Variants in AGAP1 observed in about 807,000 individuals in gnomAD.
AGAP1 encodes the protein ArfGAP with GTPase domain, ankyrin repeat and PH domain 1, also known as arf-GAP with GTPase, ANK repeat and PH domain-containing protein 1.
AGAP1 carries 29 observed loss-of-function variants against 105.3 expected under a neutral mutation model. That is an observed-to-expected ratio of 0.28 (90% CI 0.21 to 0.38). AGAP1 has a LOEUF of 0.38. Ranked by LOEUF, AGAP1 falls within the 10% of genes least tolerant of loss-of-function variation. The pLI is 1.00. For missense variants in AGAP1, 998 were observed against 1,165.1 expected (o/e 0.86, Z 2.09); for synonymous variants, 509 against 485.9 (o/e 1.05, Z -0.63).
intron 9 of AGAP1, among the ~76,000 whole-genome samples, chr2:235,854,324 C>T (rs975655963): frequency 1.3e-5 from 2 of 152,204 alleles, no homozygotes; most frequent in Admixed American, 6.5e-5. Context: ...TCCAACTGAA[C>T]GTGGGCTGTG....
rs558311698 is a variant in AGAP1 at position 235,799,861 on chromosome 2, C to G, written c.957+339C>G. Among the ~76,000 whole-genome samples the G allele has an allele frequency of 2.0e-5, 3 of 152,240 alleles. No individual in the cohort carries two copies. Among genetic ancestry groups the G allele is most frequent in the South Asian group, 4.1e-4 (2 of 4,824 alleles). ...AACTCTAAGATTCCCAGATGTGTGT[C>G]TCTAACCGTTCAGATGATATATAAG... On this transcript the variant is annotated intron_variant, in intron 8 of 17. Coordinates refer to ENST00000304032, the MANE Select transcript of AGAP1 (RefSeq NM_001037131.3). This position sits in a 1 kb window ranked among gnomAD's most constrained non-coding sequence, Gnocchi z 5.0.
At chr2:235,771,065 C>T (rs893668898) in intron 6 of AGAP1, among the ~76,000 whole-genome samples, 3 of 152,132 alleles carry the variant, frequency 2.0e-5, no homozygotes, top group Admixed American at 6.5e-5. Context: ...CCCAGGAGTG[C>T]GGCCGCCGCA....
rs1018312 is a variant in AGAP1, at chr2:235,737,367, G to A, written c.311-3596G>A. Among the ~76,000 whole-genome samples, 106 of 152,252 alleles carry A rather than the reference G, an allele frequency of 7.0e-4. No individual in the cohort carries two copies. In the East Asian group the frequency reaches 0.012, roughly 17 times the overall value. On this transcript the variant is annotated intron_variant, in intron 3 of 17. Coordinates refer to ENST00000304032, the MANE Select transcript of AGAP1 (RefSeq NM_001037131.3). The surrounding 1 kb of genome is among the most constrained non-coding windows in gnomAD (Gnocchi z 4.5). Reference sequence around the variant, plus strand: ...CTGTTAATTATACTCTGTATCTGCCGGGGGAATGTAAACTGACTTTAGGAT... The same window carrying A: ...CTGTTAATTATACTCTGTATCTGCCAGGGGAATGTAAACTGACTTTAGGAT...
In AGAP1 at chr2:235,660,762, C is replaced by T. The variant is rs967687468; in HGVS notation, c.164-48417C>T. Among the ~76,000 whole-genome samples the T allele has an allele frequency of 1.3e-5, 2 of 152,172 alleles. No individual in the cohort carries two copies. The highest frequency in any genetic ancestry group is 2.9e-5 in the Non-Finnish European group (2 of 68,026). On this transcript the variant is annotated intron_variant, in intron 1 of 17. Transcript: ENST00000304032. This position sits in a 1 kb window ranked among gnomAD's most constrained non-coding sequence, Gnocchi z 5.3. ...AATAGAAACAACCTCTGTTGGTTTT[C>T]AGCATTGGAGCAGATGCTCCCCATA...
intron 1 of AGAP1, among the ~76,000 whole-genome samples, chr2:235,523,126 T>C (rs1942688885): frequency 1.3e-5 from 2 of 150,014 alleles, no homozygotes; most frequent in Admixed American, 1.3e-4. Flanking sequence ...TGGCCTCTCA[T>C]GGTGGAGAGA....
intron 1 of AGAP1, among the ~76,000 whole-genome samples, chr2:235,520,475 TAGTG>T (rs889788782): frequency 6.6e-6 from 1 of 152,122 alleles, no homozygotes; most frequent in Non-Finnish European, 1.5e-5. Flanking sequence ...TCCTATAAAT[TAGTG>T]GGTGTTTGGA....
rs960298607 is a variant in AGAP1, at chr2:235,789,944, A to G, written c.674-7815A>G. 2.6e-5 allele frequency among the ~76,000 whole-genome samples: 4 copies of G among 152,262 alleles called. No homozygotes were observed. The highest frequency in any genetic ancestry group is 3.4e-3 in the Middle Eastern group (1 of 294). ...AGGATGTCTTACCTTCCTTGTTAGT[A>G]TTTGTTCTGATTGGAAAATTACTCT... On this transcript the variant is annotated intron_variant, in intron 6 of 17. Coordinates refer to ENST00000304032, the MANE Select transcript of AGAP1 (RefSeq NM_001037131.3). This position sits in a 1 kb window ranked among gnomAD's most constrained non-coding sequence, Gnocchi z 4.2.
Position 235,867,572 on chromosome 2 carries a change from T to TGTGCGTGC in AGAP1, c.1051-15769_1051-15768insGTGCGTGC, listed in dbSNP as rs1553655422. Among the ~76,000 whole-genome samples, 3 of 148,370 alleles carry TGTGCGTGC rather than the reference T, an allele frequency of 2.0e-5. No individual in the cohort carries two copies. The highest frequency in any genetic ancestry group is 4.5e-5 in the Non-Finnish European group (3 of 67,064). ...GTGTGTGTGTGTGTGTGTGTGTGTG[T>TGTGCGTGC]GTGCAAGTGAGGGAGGGTGACCCCC... On this transcript the variant is annotated intron_variant, in intron 9 of 17. Transcript: ENST00000304032. This position sits in a 1 kb window ranked among gnomAD's most constrained non-coding sequence, Gnocchi z 5.4.
Position 235,736,314 on chromosome 2 carries a change from G to A in AGAP1, c.311-4649G>A, listed in dbSNP as rs977280724. On this transcript the variant is annotated intron_variant, in intron 3 of 17. Coordinates refer to ENST00000304032, the MANE Select transcript of AGAP1 (RefSeq NM_001037131.3). The surrounding 1 kb of genome is among the most constrained non-coding windows in gnomAD (Gnocchi z 5.5). ...AGATGCATGTCTGACAGGGACATCA[G>A]GTTTGGGGAGACTGAAAACCATTTT... Among the ~76,000 whole-genome samples, 3 of 152,066 alleles carry A rather than the reference G, an allele frequency of 2.0e-5. No homozygotes were observed. The highest frequency in any genetic ancestry group is 7.2e-5 in the African/African-American group (3 of 41,410).
At position 235,550,577 on chromosome 2, in the gene AGAP1, G is replaced by A. The variant is rs112498472; in HGVS notation, c.163+55728G>A. On this transcript the variant is annotated intron_variant, in intron 1 of 17. Transcript: ENST00000304032. The surrounding 1 kb of genome is among the most constrained non-coding windows in gnomAD (Gnocchi z 4.6). ...TCAGAGTTGATGAGGGTCTGCAGGC[G>A]TCGGTCTGGGAGCCACAGACAGGTG... Among the ~76,000 whole-genome samples, 3 of 152,260 alleles carry A rather than the reference G, an allele frequency of 2.0e-5. No homozygotes were observed. The highest frequency in any genetic ancestry group is 6.5e-5 in the Admixed American group (1 of 15,300).
intron 12 of AGAP1, among the ~76,000 whole-genome samples, chr2:235,955,459 G>A (rs540323982): frequency 3.8e-4 from 58 of 152,304 alleles, no homozygotes; most frequent in African/African-American, 1.3e-3. Flanking sequence ...TCATGAGCCT[G>A]TGTCTCAAAA....
chr2:235,949,704 C>T (rs1384919246), intron 12 of AGAP1, among the ~76,000 whole-genome samples: 3 of 152,164 alleles, frequency 2.0e-5, no homozygotes, highest in Admixed American at 1.3e-4. Context: ...TTCCACTTAT[C>T]CTCGTAAAAC....
chr2:235,784,362 A>T (rs543360043), intron 6 of AGAP1, among the ~76,000 whole-genome samples: 25 of 152,230 alleles, frequency 1.6e-4, no homozygotes, highest in Non-Finnish European at 3.2e-4. Context: ...AGAAAAGAAT[A>T]CTTTGACTTC....
At chr2:235,585,539 G>A (rs904878919) in intron 1 of AGAP1, among the ~76,000 whole-genome samples, 1 of 152,146 alleles carries the variant, frequency 6.6e-6, no homozygotes, top group Non-Finnish European at 1.5e-5. Context: ...ATCTCTGGGG[G>A]CCACTGTTCA....
At chr2:235,834,970 C>T (rs949742863) in intron 9 of AGAP1, among the ~76,000 whole-genome samples, 7 of 152,170 alleles carry the variant, frequency 4.6e-5, no homozygotes, top group Non-Finnish European at 8.8e-5. Flanking sequence ...ACATGTGATT[C>T]GTTAGTTGGA....
At position 235,608,122 on chromosome 2, in the gene AGAP1, C is replaced by T. The variant is rs1354274210; in HGVS notation, c.164-101057C>T. On this transcript the variant is annotated intron_variant, in intron 1 of 17. Coordinates refer to ENST00000304032, the MANE Select transcript of AGAP1 (RefSeq NM_001037131.3). The surrounding 1 kb of genome is among the most constrained non-coding windows in gnomAD (Gnocchi z 5.4). ...TTGACCGGGTCGTTTTTAGCTTTGCCCACTTTTCATTTTTGGCTTCACAGA... is the reference window on the plus strand; with the variant it reads ...TTGACCGGGTCGTTTTTAGCTTTGCTCACTTTTCATTTTTGGCTTCACAGA... Among the ~76,000 whole-genome samples, 1 of 152,070 alleles carries T rather than the reference C, an allele frequency of 6.6e-6. No individual in the cohort carries two copies. Among genetic ancestry groups the T allele is most frequent in the Non-Finnish European group, 1.5e-5 (1 of 68,026 alleles).
chr2:235,806,788 C>T (rs959014220), intron 8 of AGAP1, among the ~76,000 whole-genome samples: 1 of 152,012 alleles, frequency 6.6e-6, no homozygotes, highest in Non-Finnish European at 1.5e-5. Flanking sequence ...GCCGTTAAAT[C>T]GCACAGCTGA....
rs1343736473 is a variant in AGAP1, at chr2:236,120,344, C to G, written c.2267C>G (p.Ser756Cys). The G allele has an allele frequency of 6.2e-7, 1 of 1,612,006 alleles. No individual in the cohort carries two copies. Among genetic ancestry groups the G allele is most frequent in the East Asian group, 2.2e-5 (1 of 44,862 alleles). ...GCCATCCTGCTGCTGGCACACGGCT[C>G]CCGGGACGAGGTGAACGAGACCTGC... ...RTAILLLAHG[S>C]RDEVNETCGE... The change falls in exon 17 of 18, where the codon TCC becomes TGC. Residue 756 changes from serine to cysteine, a missense_variant. Ser to Cys is a moderately radical substitution (Grantham distance 112). This residue lies in a region of AGAP1 where 235 missense variants were observed against 270.7 expected (regional missense o/e 0.87). Transcript: ENST00000304032. The surrounding 1 kb of genome is among the most constrained non-coding windows in gnomAD (Gnocchi z 6.0).
In AGAP1 at chr2:235,922,008, C is replaced by T. The variant is rs1217403690; in HGVS notation, c.1325-8757C>T. 3.9e-5 allele frequency among the ~76,000 whole-genome samples: 6 copies of T among 152,176 alleles called. No homozygotes were observed. In the East Asian group the frequency reaches 5.8e-4, roughly 15 times the overall value. On this transcript the variant is annotated intron_variant, in intron 11 of 17. Transcript: ENST00000304032. ...TGTAATTAGAGGACAGAACAGATGG[C>T]GAAGGCCTAGTTTGAAGTGATGTGA...
Sources: allele counts gnomAD v4.1 joint callset (sites outside exome capture counted in the v4.1 genomes callset), GRCh38; gene constraint gnomAD v4.1.1; regional missense constraint gnomAD v4.1.1; non-coding constraint Gnocchi (gnomAD v3.1); transcripts MANE v1.5; gene names NCBI Gene and HGNC (gene_info 2026-07-23, HGNC 2026-07-21).